TAF3: variants seen among roughly 807,000 people sequenced by gnomAD.
The protein encoded by TAF3 is TATA-box binding protein associated factor 3.
TAF3 carries 7 observed loss-of-function variants against 80.6 expected under a neutral mutation model. The observed-to-expected ratio is 0.09, with a 90% CI of 0.05 to 0.16. The LOEUF (loss-of-function observed/expected upper bound fraction) is 0.16, where lower values mean the gene tolerates loss of function less well. Ranked by LOEUF, TAF3 falls within the 10% of genes least tolerant of loss-of-function variation. TAF3 has a pLI of 1.00. For missense variants in TAF3, 921 were observed against 1,140.2 expected, an observed-to-expected ratio of 0.81 and a Z score of 2.77; for synonymous variants, 444 against 446.1, an observed-to-expected ratio of 1.00 and a Z score of 0.06.
chr10:7,849,993 T>C (rs956199753), intron 2 of TAF3, among the ~76,000 whole-genome samples: 1 of 152,134 alleles, frequency 6.6e-6, no homozygotes, highest in Admixed American at 6.5e-5. Flanking sequence ...ATGAAAACTT[T>C]TGATGTTAAA....
At chr10:7,941,306 T>C (rs1461859619) in intron 2 of TAF3, among the ~76,000 whole-genome samples, 1 of 152,260 alleles carries the variant, frequency 6.6e-6, no homozygotes, top group Non-Finnish European at 1.5e-5. Flanking sequence ...ACAGTAAATA[T>C]TTGTTGAATT....
At chr10:7,979,990 C>T (rs1831710965) in intron 4 of TAF3, among the ~76,000 whole-genome samples, 1 of 152,036 alleles carries the variant, frequency 6.6e-6, no homozygotes, top group South Asian at 2.1e-4. Flanking sequence ...ATGTAACATT[C>T]AAATTTCAGT....
At chr10:7,847,944 A>G (rs942313895) in intron 2 of TAF3, among the ~76,000 whole-genome samples, 2 of 150,252 alleles carry the variant, frequency 1.3e-5, no homozygotes, top group African/African-American at 2.5e-5. Flanking sequence ...TAATTTTTGT[A>G]TTTTTAGTAG....
At chr10:7,967,749 A>T (rs1004493695) in intron 3 of TAF3, among the ~76,000 whole-genome samples, 1 of 152,204 alleles carries the variant, frequency 6.6e-6, no homozygotes, top group Non-Finnish European at 1.5e-5. Flanking sequence ...AGATGGAGAG[A>T]GTGTTCCATT....
At chr10:7,864,859 G>A (rs1837194187) in intron 2 of TAF3, among the ~76,000 whole-genome samples, 1 of 150,758 alleles carries the variant, frequency 6.6e-6, no homozygotes, top group Non-Finnish European at 1.5e-5. Context: ...TACTCTTTGT[G>A]CCCTAAGAAA....
chr10:7,946,802 G>C (rs1408804769), intron 2 of TAF3, among the ~76,000 whole-genome samples: 1 of 151,794 alleles, frequency 6.6e-6, no homozygotes, highest in African/African-American at 2.4e-5. Context: ...CCTTTATCCT[G>C]TTTATTTCAA....
chr10:7,865,233 C>A (rs575972000), intron 2 of TAF3, among the ~76,000 whole-genome samples: 18 of 151,854 alleles, frequency 1.2e-4, no homozygotes, highest in Non-Finnish European at 1.9e-4. Flanking sequence ...TCTGGGAGGC[C>A]GAGGCGGGCG....
intron 2 of TAF3, among the ~76,000 whole-genome samples, chr10:7,894,090 G>A (rs1196195598): frequency 2.6e-5 from 4 of 151,992 alleles, no homozygotes; most frequent in East Asian, 1.9e-4. Flanking sequence ...TTTTCTTTTC[G>A]CCTTTTATAT....
chr10:7,833,241 T>A (rs1836819624), intron 2 of TAF3, among the ~76,000 whole-genome samples: 1 of 152,216 alleles, frequency 6.6e-6, no homozygotes, highest in Admixed American at 6.5e-5. Flanking sequence ...GTTGCTGGAT[T>A]ATATGGTAAT....
At chr10:7,895,604 G>A (rs1172008616) in intron 2 of TAF3, among the ~76,000 whole-genome samples, 3 of 152,154 alleles carry the variant, frequency 2.0e-5, no homozygotes, top group Non-Finnish European at 4.4e-5. Flanking sequence ...AAGGAAATGG[G>A]TAAAAGCAGA....
intron 2 of TAF3, among the ~76,000 whole-genome samples, chr10:7,857,038 C>G (rs943954831): frequency 6.6e-6 from 1 of 152,134 alleles, no homozygotes; most frequent in South Asian, 2.1e-4. Flanking sequence ...CTTTCATGTC[C>G]GTAAGCAAAC....
chr10:7,898,817 T>C (rs1370178256), intron 2 of TAF3, among the ~76,000 whole-genome samples: 1 of 152,170 alleles, frequency 6.6e-6, no homozygotes, highest in African/African-American at 2.4e-5. Context: ...TCTTTGAGTT[T>C]TTTTTTTCTC....
intron 2 of TAF3, among the ~76,000 whole-genome samples, chr10:7,901,832 A>G (rs1213821532): frequency 2.0e-5 from 3 of 152,192 alleles, no homozygotes; most frequent in Non-Finnish European, 4.4e-5. Context: ...TTTTCAGAAA[A>G]TAGGTATTTT....
rs909603722 is a variant in TAF3, at chr10:7,970,093, G to A, written c.2232+4351G>A. On this transcript the variant is annotated intron_variant, in intron 3 of 6. Transcript: ENST00000344293. ...GTGTCATTTAATTAAGATAAGTAGA[G>A]GACTACAACAGTTCCTGAATTTTCA... 4.6e-5 allele frequency among the ~76,000 whole-genome samples: 7 copies of A among 152,162 alleles called. No individual in the cohort carries two copies. In the East Asian group the frequency reaches 1.3e-3, roughly 29 times the overall value.
chr10:7,819,027 C>T (rs1396323722), intron 1 of TAF3, 152 bp downstream of exon 1: 4 of 775,686 alleles, frequency 5.2e-6, no homozygotes, highest in East Asian at 3.4e-5. Flanking sequence ...TGGGCTTCCA[C>T]TGCCGCTCCA....
intron 2 of TAF3, among the ~76,000 whole-genome samples, chr10:7,888,964 G>A (rs1837435140): frequency 6.6e-6 from 1 of 152,178 alleles, no homozygotes. Context: ...TGCAGCATAG[G>A]CTATAATTTA....
At chr10:7,844,125 G>T (rs1310130683) in intron 2 of TAF3, among the ~76,000 whole-genome samples, 2 of 152,128 alleles carry the variant, frequency 1.3e-5, no homozygotes. Context: ...AGTTACGTAT[G>T]AATATACTTA....
In TAF3 at chr10:8,014,657, C is replaced by T. The variant is rs747803521; in HGVS notation, c.2696C>T (p.Thr899Ile). Reference protein sequence around the residue: ...WYHWPCVGIMTAPPEEMQWFC... With the variant: ...WYHWPCVGIMIAPPEEMQWFC... ...TGCAGGCCCTGTGTTGGAATCATGA[C>T]TGCACCCCCAGAAGAGATGCAGTGG... is the stretch of plus-strand genomic sequence containing the variant. The change falls in exon 7 of 7, where the codon ACT becomes ATT. Residue 899 changes from threonine (T) to isoleucine (I), a missense_variant. Transcript: ENST00000344293. The T allele has an allele frequency of 6.2e-7, 1 of 1,613,156 alleles. No individual in the cohort carries two copies. Among genetic ancestry groups the T allele is most frequent in the South Asian group, 1.1e-5 (1 of 90,786 alleles).
chr10:7,944,520 A>G (rs905316052), intron 2 of TAF3, among the ~76,000 whole-genome samples: 14 of 152,234 alleles, frequency 9.2e-5, no homozygotes, highest in African/African-American at 3.1e-4. Flanking sequence ...TAGATTTGCA[A>G]CGTTAAAGGA....
Sources: allele counts gnomAD v4.1 joint callset (sites outside exome capture counted in the v4.1 genomes callset), GRCh38; gene constraint gnomAD v4.1.1; transcripts MANE v1.5; gene names NCBI Gene and HGNC (gene_info 2026-07-23, HGNC 2026-07-21).